Variants in LCORL observed in about 807,000 individuals in gnomAD.
The protein encoded by LCORL is ligand dependent nuclear receptor corepressor like, also known as ligand-dependent nuclear receptor corepressor-like protein.
Under a neutral mutation model 141.8 loss-of-function variants are expected in LCORL, and 41 were observed. The ratio of observed to expected loss-of-function variants is 0.29; its 90% CI spans 0.23 to 0.38. The LOEUF (loss-of-function observed/expected upper bound fraction) is 0.38, where lower values mean the gene tolerates loss of function less well. Ranked by LOEUF, LCORL falls within the 10% of genes least tolerant of loss-of-function variation. LCORL has a pLI of 1.00. For synonymous variants in LCORL, 618 were observed against 694.1 expected, an observed-to-expected ratio of 0.89 and a Z score of 1.72; for missense variants, 1,759 against 2,035.0, an observed-to-expected ratio of 0.86 and a Z score of 2.61.
chr4:17,922,232 GTT>G lies in LCORL; in HGVS notation c.431-12889_431-12888del, dbSNP rs780400663. ...AGAGGAATAGAACTTTAAAGATGGA[GTT>G]TTTAAGTTGGTTTTGGGGTTTCTGG... On this transcript the variant is annotated intron_variant, in intron 4 of 7. Transcript: ENST00000635767. Among the ~76,000 whole-genome samples, 6 of 152,278 alleles carry G rather than the reference GTT, an allele frequency of 3.9e-5. No homozygotes were observed. In the East Asian group the frequency reaches 1.2e-3, roughly 29 times the overall value.
intron 4 of LCORL, chr4:17,911,874 G>A (rs1183414743): frequency 8.4e-6 from 4 of 474,668 alleles, no homozygotes; most frequent in Non-Finnish European, 1.6e-5. Flanking sequence ...CCGTGGGGAT[G>A]GCCGGGGGTC....
intron 1 of LCORL, among the ~76,000 whole-genome samples, chr4:17,976,235 T>C (rs1401409893): frequency 1.3e-5 from 2 of 152,170 alleles, no homozygotes; most frequent in East Asian, 3.8e-4. Flanking sequence ...TTGAGGACAG[T>C]GTTTTAGACC....
intron 4 of LCORL, among the ~76,000 whole-genome samples, chr4:17,943,168 CAA>C (rs1026846505): frequency 1.2e-4 from 19 of 152,290 alleles, no homozygotes; most frequent in African/African-American, 4.3e-4. Flanking sequence ...ACAAGAGAAT[CAA>C]GAGCTCATAT....
intron 7 of LCORL, among the ~76,000 whole-genome samples, chr4:17,862,691 G>A (rs144725897): frequency 8.8e-4 from 134 of 152,170 alleles, no homozygotes; most frequent in African/African-American, 3.1e-3. Context: ...TTGAAACTGC[G>A]CTCCTTCCTT....
At chr4:17,851,925 C>T (rs1410141617) in intron 7 of LCORL, among the ~76,000 whole-genome samples, 1 of 152,150 alleles carries the variant, frequency 6.6e-6, no homozygotes, top group Non-Finnish European at 1.5e-5. Flanking sequence ...TAAGGTTAAG[C>T]ATATTTTAAT....
At chr4:17,864,052 C>T (rs1349659157) in intron 7 of LCORL, among the ~76,000 whole-genome samples, 3 of 152,064 alleles carry the variant, frequency 2.0e-5, no homozygotes, top group African/African-American at 7.2e-5. Flanking sequence ...GGGTAGTATG[C>T]TTATTACCTG....
At chr4:17,913,279 A>T (rs933150985) in intron 4 of LCORL, among the ~76,000 whole-genome samples, 2 of 152,246 alleles carry the variant, frequency 1.3e-5, no homozygotes, top group African/African-American at 4.8e-5. Context: ...TGCCAAGACC[A>T]TTGCGACCAG....
chr4:17,896,877 C>T (rs1730012377), intron 5 of LCORL, among the ~76,000 whole-genome samples: 1 of 152,004 alleles, frequency 6.6e-6, no homozygotes. Flanking sequence ...CCACCCCCCA[C>T]TATCCTTCTC....
chr4:18,020,220 CAA>C (rs1725279415), intron 1 of LCORL, among the ~76,000 whole-genome samples: 1 of 151,910 alleles, frequency 6.6e-6, no homozygotes, highest in Admixed American at 6.6e-5. Flanking sequence ...CTCTACTAGT[CAA>C]AAAAAGATCT....
Position 17,964,190 on chromosome 4 carries a change from A to G in LCORL, c.221-1141T>C, listed in dbSNP as rs1577566678. Among the ~76,000 whole-genome samples the G allele has an allele frequency of 2.0e-5, 3 of 152,112 alleles. No homozygotes were observed. The East Asian group carries it at 5.8e-4, about 29-fold the overall frequency. Reference sequence around the variant, plus strand: ...CTAATATCTACATAAACTTGGACAGAGCAGGGAATGGAAATTAAGATGCGG... The same window carrying G: ...CTAATATCTACATAAACTTGGACAGGGCAGGGAATGGAAATTAAGATGCGG... On this transcript the variant is annotated intron_variant, in intron 2 of 7. Coordinates refer to ENST00000635767, the Ensembl canonical transcript of LCORL.
intron 4 of LCORL, among the ~76,000 whole-genome samples, chr4:17,918,818 A>C (rs990220720): frequency 6.6e-6 from 1 of 152,202 alleles, no homozygotes; most frequent in Non-Finnish European, 1.5e-5. Context: ...CAATGCCCCC[A>C]ATTTGAAGAA....
At chr4:18,017,514 A>T (rs1207519388) in intron 1 of LCORL, among the ~76,000 whole-genome samples, 1 of 152,170 alleles carries the variant, frequency 6.6e-6, no homozygotes, top group Admixed American at 6.5e-5. Flanking sequence ...TGTACTAAGA[A>T]GGGCAGAACA....
intron 6 of LCORL, chr4:17,882,417 A>C (rs1727696796): frequency 2.0e-6 from 2 of 984,500 alleles, no homozygotes; most frequent in African/African-American, 3.5e-5. Context: ...CATACTCCAT[A>C]AATCCAACAA....
chr4:17,920,721 C>G (rs1226132059), intron 4 of LCORL, among the ~76,000 whole-genome samples: 1 of 152,232 alleles, frequency 6.6e-6, no homozygotes, highest in Non-Finnish European at 1.5e-5. Context: ...GTCATTTCAA[C>G]AATGCTCACA....
chr4:17,858,729 AAATAATAATAAT>A (rs567498935), intron 7 of LCORL, among the ~76,000 whole-genome samples: 2 of 149,110 alleles, frequency 1.3e-5, no homozygotes, highest in African/African-American at 5.0e-5. Flanking sequence ...ACTCCATCTC[AAATAATAATAAT>A]AATAATAATA....
chr4:17,884,153 G>A lies in LCORL; in HGVS notation c.776+1915C>T. 4 of 1,550,558 alleles carry A rather than the reference G, an allele frequency of 2.6e-6. No individual in the cohort carries two copies. Among genetic ancestry groups the A allele is most frequent in the Non-Finnish European group, 3.5e-6 (4 of 1,146,278 alleles). ...AGAACATTCTATTTTGTTCTGTTTA[G>A]GGAGTATATTTTTCAGTTTTTGGAG... On this transcript the variant is annotated intron_variant, in intron 6 of 7. Coordinates refer to ENST00000635767, the Ensembl canonical transcript of LCORL. This position sits in a 1 kb window ranked among gnomAD's most constrained non-coding sequence, Gnocchi z 4.4.
rs553185902 is a variant in LCORL, at chr4:17,925,452, G to C, written c.431-16107C>G. On this transcript the variant is annotated intron_variant, in intron 4 of 7. Coordinates refer to ENST00000635767, the Ensembl canonical transcript of LCORL. Reference sequence around the variant, plus strand: ...GGGTAAAAACCCACAGCCCACTGAGGTGCCTGCTGAAGGGAAAGGGGATAC... The same window carrying C: ...GGGTAAAAACCCACAGCCCACTGAGCTGCCTGCTGAAGGGAAAGGGGATAC... 2.1e-4 allele frequency among the ~76,000 whole-genome samples: 32 copies of C among 152,258 alleles called. No individual in the cohort carries two copies. In the South Asian group the frequency reaches 6.6e-3, roughly 32 times the overall value.
At chr4:18,001,256 T>C (rs1721913498) in intron 1 of LCORL, among the ~76,000 whole-genome samples, 1 of 151,968 alleles carries the variant, frequency 6.6e-6, no homozygotes, top group Non-Finnish European at 1.5e-5. Context: ...GATTAAAGGA[T>C]ATAATACATG....
chr4:17,953,588 CATG>C (rs1472339484), intron 4 of LCORL, among the ~76,000 whole-genome samples: 1 of 152,188 alleles, frequency 6.6e-6, no homozygotes, highest in African/African-American at 2.4e-5. Flanking sequence ...AGGACTCCCT[CATG>C]ATGTTTATCT....
Sources: gnomAD v4.1 joint callset for allele counts (sites outside exome capture counted in the v4.1 genomes callset) on GRCh38, gnomAD v4.1.1 for gene constraint, Gnocchi (gnomAD v3.1) non-coding constraint, MANE v1.5 for transcripts, NCBI Gene and HGNC (gene_info 2026-07-23, HGNC 2026-07-21) for gene names.